The following OAF variants were observed in gnomAD, a reference collection of about 807,000 sequenced individuals.
OAF encodes out at first homolog, also known as out at first protein homolog.
Under a neutral mutation model 22.5 loss-of-function variants are expected in OAF, and 13 were observed. The observed-to-expected ratio is 0.58, with a 90% confidence interval of 0.38 to 0.92. The LOEUF (loss-of-function observed/expected upper bound fraction) is 0.92. Ranked by LOEUF, OAF falls within the 40% of genes least tolerant of loss-of-function variation. The probability of loss-of-function intolerance (pLI) is 0.00; values close to 1 mark genes in which losing one functional copy is unlikely to be tolerated. For synonymous variants in OAF, 175 were observed against 170.5 expected (o/e 1.03, Z -0.21); for missense variants, 347 against 381.8 (o/e 0.91, Z 0.76).
intron 1 of OAF, among the ~76,000 whole-genome samples, chr11:120,220,210 C>A (rs369441195): frequency 1.3e-5 from 2 of 152,090 alleles, no homozygotes; most frequent in South Asian, 4.2e-4. Context: ...CTCATGTCAC[C>A]CCAGGCTCAA....
rs1438496150 is a variant in OAF at position 120,229,241 on chromosome 11, TCCCCACTCCCCTGGCCCTAGAGCCTGGG to T, written c.*104_*131del. On this transcript the variant is annotated 3_prime_UTR_variant, in exon 4 of 4. Transcript: ENST00000328965. ...CCACCTGAGGCCTTATTTCCCTCCC[TCCCCACTCCCCTGGCCCTAGAGCCTGGG>T]CCCCTCTGGCCCCATCTCACATGAC... 9.3e-7 allele frequency: 1 copy of T among 1,076,616 alleles called. No individual in the cohort carries two copies. The highest frequency in any genetic ancestry group is 1.4e-6 in the Non-Finnish European group (1 of 736,364). 66.7% of individuals were successfully genotyped at this position (1,076,616 alleles called of 1,614,324 possible). A position where few individuals can be genotyped will look rare whatever the true frequency, so the allele number is the denominator to read the frequency against.
chr11:120,225,406 G>C (rs1282708386), intron 1 of OAF, among the ~76,000 whole-genome samples: 3 of 152,166 alleles, frequency 2.0e-5, no homozygotes, highest in Non-Finnish European at 4.4e-5. Flanking sequence ...CTGCCGAGAG[G>C]AATCATCAGC....
chr11:120,229,336 C>T lies in OAF; in HGVS notation c.*194C>T. The T allele has an allele frequency of 1.7e-6, 1 of 598,426 alleles. No homozygotes were observed. The allele number at this position is 598,426 out of a possible 1,614,324, so 37.1% of individuals were successfully genotyped here. On this transcript the variant is annotated 3_prime_UTR_variant, in exon 4 of 4. Coordinates refer to ENST00000328965, the MANE Select transcript of OAF (RefSeq NM_178507.4). Reference sequence around the variant, plus strand: ...CATGGCAGGGGGTCTCATGAAGGCACCCCCATTCCCACCCTGTGCCTTCCT... The same window carrying T: ...CATGGCAGGGGGTCTCATGAAGGCATCCCCATTCCCACCCTGTGCCTTCCT...
chr11:120,229,361 T>TCCCCGTTTTTTAA lies in OAF; in HGVS notation c.*219_*220insCCCCGTTTTTTAA. The TCCCCGTTTTTTAA allele has an allele frequency of 1.8e-6, 1 of 541,972 alleles. No individual in the cohort carries two copies. 33.6% of individuals were successfully genotyped at this position (541,972 alleles called of 1,614,324 possible). A position where few individuals can be genotyped will look rare whatever the true frequency, so the allele number is the denominator to read the frequency against. Reference sequence around the variant, plus strand: ...CCCCCATTCCCACCCTGTGCCTTCCTTGCGGGCAGAGAGGGAGAGAAGGGC... The same window carrying TCCCCGTTTTTTAA: ...CCCCCATTCCCACCCTGTGCCTTCCTCCCCGTTTTTTAATGCGGGCAGAGAGGGAGAGAAGGGC... On this transcript the variant is annotated 3_prime_UTR_variant, in exon 4 of 4. Coordinates refer to ENST00000328965, the MANE Select transcript of OAF (RefSeq NM_178507.4).
At chr11:120,213,676 C>T (rs1210042780) in intron 1 of OAF, 1 of 152,252 alleles carries the variant, frequency 6.6e-6, no homozygotes, top group Non-Finnish European at 1.5e-5. Context: ...TGTCCAGATC[C>T]TTCTAGGGTG....
intron 1 of OAF, among the ~76,000 whole-genome samples, chr11:120,223,055 C>G (rs1476061546): frequency 6.6e-6 from 1 of 152,202 alleles, no homozygotes; most frequent in Non-Finnish European, 1.5e-5. Context: ...CCGCCACATT[C>G]GAAGGCAGGT....
At chr11:120,224,744 G>A (rs1301524690) in intron 1 of OAF, among the ~76,000 whole-genome samples, 1 of 152,200 alleles carries the variant, frequency 6.6e-6, no homozygotes, top group Non-Finnish European at 1.5e-5. Context: ...CACAGGAGGG[G>A]CCTTGACAGA....
intron 3 of OAF, 150 bp from the exon 4 acceptor site, chr11:120,228,718 T>C: frequency 1.6e-6 from 1 of 632,454 alleles, no homozygotes. Flanking sequence ...CTTACCTCTG[T>C]GTCCCATGGC....
intron 1 of OAF, among the ~76,000 whole-genome samples, chr11:120,220,814 AG>A (rs1292355172): frequency 6.6e-6 from 1 of 152,218 alleles, no homozygotes. Context: ...GAAGTGCAAC[AG>A]TTGCTGTGAG....
At chr11:120,222,166 G>C (rs1591359588) in intron 1 of OAF, among the ~76,000 whole-genome samples, 1 of 152,192 alleles carries the variant, frequency 6.6e-6, no homozygotes, top group South Asian at 2.1e-4. Flanking sequence ...GAGGGACACT[G>C]GTCAGGATGA....
chr11:120,229,075 A>T lies in OAF; in HGVS notation c.755A>T (p.Tyr252Phe). ...KCGIRSCQKS[Y>F]SFDFYVPQRQ... Reference sequence around the variant, plus strand: ...GGCATCCGCAGCTGCCAGAAGAGCTACAGCTTCGACTTCTACGTGCCCCAG... The same window carrying T: ...GGCATCCGCAGCTGCCAGAAGAGCTTCAGCTTCGACTTCTACGTGCCCCAG... The change falls in exon 4 of 4, where the codon TAC becomes TTC. Residue 252 changes from tyrosine (Y) to phenylalanine (F), a missense_variant. By Grantham distance (22) the Tyr-to-Phe change is conservative (BLOSUM62 3). Transcript: ENST00000328965. The T allele has an allele frequency of 5.6e-6, 9 of 1,613,678 alleles. No homozygotes were observed. Among genetic ancestry groups the T allele is most frequent in the Non-Finnish European group, 6.8e-6 (8 of 1,179,958 alleles).
chr11:120,222,670 T>C (rs1449172079), intron 1 of OAF, among the ~76,000 whole-genome samples: 1 of 152,090 alleles, frequency 6.6e-6, no homozygotes, highest in African/African-American at 2.4e-5. Flanking sequence ...TCCCAACACT[T>C]TGGGAGGCCG....
intron 1 of OAF, 45 bp downstream of exon 1, chr11:120,211,555 C>G: frequency 1.5e-6 from 2 of 1,311,064 alleles, no homozygotes; most frequent in Non-Finnish European, 2.0e-6. Flanking sequence ...AAGCCTGAGC[C>G]CCCCGGGATC....
intron 3 of OAF, 43 bp from the exon 4 acceptor site, chr11:120,228,825 T>TACCCAACCAC: frequency 2.3e-6 from 1 of 434,174 alleles, no homozygotes; most frequent in East Asian, 5.5e-5. Flanking sequence ...GCTCCTTCCC[T>TACCCAACCAC]CCCTCCCTCC....
chr11:120,212,773 C>A (rs532071918), intron 1 of OAF, among the ~76,000 whole-genome samples: 1 of 148,610 alleles, frequency 6.7e-6, no homozygotes, highest in Non-Finnish European at 1.5e-5. Flanking sequence ...GGCTTGACCG[C>A]TGATTGCCCC....
intron 1 of OAF, among the ~76,000 whole-genome samples, chr11:120,216,829 G>A (rs1938218873): frequency 6.6e-6 from 1 of 152,220 alleles, no homozygotes; most frequent in Non-Finnish European, 1.5e-5. Context: ...ACAGACTCCT[G>A]TTCCGCTGGC....
intron 3 of OAF, among the ~76,000 whole-genome samples, chr11:120,228,252 T>G (rs533174526): frequency 6.6e-6 from 1 of 152,222 alleles, no homozygotes; most frequent in East Asian, 1.9e-4. Context: ...GCCCAGCTAA[T>G]TTTTGTGCTT....
At chr11:120,228,826 C>CAA in intron 3 of OAF, 42 bp from the exon 4 acceptor site, 1 of 426,040 alleles carries the variant, frequency 2.3e-6, no homozygotes, top group Non-Finnish European at 4.8e-6. Flanking sequence ...CTCCTTCCCT[C>CAA]CCTCCCTCCC....
chr11:120,225,066 G>C (rs1335435082), intron 1 of OAF, among the ~76,000 whole-genome samples: 1 of 152,096 alleles, frequency 6.6e-6, no homozygotes, highest in Non-Finnish European at 1.5e-5. Context: ...AAGAGGCGAG[G>C]CATCCTAGCT....
Sources: gnomAD v4.1 joint callset for allele counts (sites outside exome capture counted in the v4.1 genomes callset) on GRCh38, gnomAD v4.1.1 for gene constraint, MANE v1.5 for transcripts, NCBI Gene and HGNC (gene_info 2026-07-23, HGNC 2026-07-21) for gene names.